CDC42BPG: variants seen among roughly 807,000 people sequenced by gnomAD.
CDC42BPG encodes the protein serine/threonine-protein kinase MRCK gamma.
A neutral mutation model predicts 192.2 loss-of-function variants in CDC42BPG; 157 were observed. The observed-to-expected ratio is 0.82, with a 90% CI of 0.72 to 0.93. The LOEUF (loss-of-function observed/expected upper bound fraction) is 0.93, where lower values mean the gene tolerates loss of function less well. Ranked by LOEUF, CDC42BPG falls within the 40% of genes least tolerant of loss-of-function variation. The pLI is 0.00. For synonymous variants in CDC42BPG, 981 were observed against 918.5 expected (o/e 1.07, Z -1.23); for missense variants, 1,992 against 2,122.1 (o/e 0.94, Z 1.20).
intron 17 of CDC42BPG, 29 bp downstream of exon 17, chr11:64,835,018 C>CCCCCCCCCCCCCCCCCCCGGG: frequency 1.4e-6 from 1 of 703,626 alleles, no homozygotes; most frequent in Non-Finnish European, 2.4e-6. Context: ...CGCCTGCGTT[C>CCCCCCCCCCCCCCCCCCCGGG]CCCACCCCGA....
chr11:64,835,105 C>T lies in CDC42BPG; in HGVS notation c.2002G>A (p.Gly668Ser), dbSNP rs1239547690. The change falls in exon 17 of 37, where the codon GGT (glycine) becomes AGT (serine). Residue 668 changes from glycine to serine, a missense_variant. This residue lies in a region of CDC42BPG where 1,656 missense variants were observed against 1,844.3 expected (regional missense o/e 0.90). Coordinates refer to ENST00000342711, the MANE Select transcript of CDC42BPG (RefSeq NM_017525.3). Reference sequence around the variant, plus strand: ...TTGCTCTCCGTCTCCCGCCGCTCACCCTCCAGCCGCTGCTTGCTCTCCTGC... The same window carrying T: ...TTGCTCTCCGTCTCCCGCCGCTCACTCTCCAGCCGCTGCTTGCTCTCCTGC... ...QEQESKQRLE[G>S]ERRETESNWE... The T allele has an allele frequency of 6.2e-7, 1 of 1,602,336 alleles. No individual in the cohort carries two copies. Among genetic ancestry groups the T allele is most frequent in the Non-Finnish European group, 8.5e-7 (1 of 1,179,836 alleles).
In CDC42BPG at chr11:64,840,542, C is replaced by G. The variant is rs140696545; in HGVS notation, c.432+11G>C. The G allele has an allele frequency of 1.9e-6, 3 of 1,613,022 alleles. No homozygotes were observed. The highest frequency in any genetic ancestry group is 2.5e-6 in the Non-Finnish European group (3 of 1,179,172). On this transcript the variant is annotated intron_variant, in intron 4 of 36. Transcript: ENST00000342711. ...AGGATGTTCCCCTCCAGCCCCGCCA[C>G]GTATCCTCACCAGGTACTCCTCGTC...
intron 9 of CDC42BPG, among the ~76,000 whole-genome samples, chr11:64,837,295 T>G (rs1943065616): frequency 6.6e-6 from 1 of 152,168 alleles, no homozygotes; most frequent in South Asian, 2.1e-4. Flanking sequence ...CAGGGGAAGA[T>G]GGTGGTGACA....
Position 64,831,695 on chromosome 11 carries a change from C to T in CDC42BPG, c.3114G>A (p.Pro1038=), listed in dbSNP as rs781630312. Residue 1038 remains proline, a synonymous_variant, in exon 28 of 37, where the codon CCG becomes CCA. Transcript: ENST00000342711. ...FRVTTSQLAV[P]PTTCTVLLLA... ...GCAGCAGCACAGTGCACGTGGTGGG[C>T]GGCACTGCCAGCTGGGAGGTTGTCA... is the stretch of plus-strand genomic sequence containing the variant. 14 of 1,603,572 alleles carry T rather than the reference C, an allele frequency of 8.7e-6. No homozygotes were observed. Among genetic ancestry groups the T allele is most frequent in the African/African-American group, 2.7e-5 (2 of 74,864 alleles).
chr11:64,824,725 T>C (rs1202161251), intron 36 of CDC42BPG, among the ~76,000 whole-genome samples, 196 bp from the exon 37 acceptor site: 1 of 152,004 alleles, frequency 6.6e-6, no homozygotes, highest in Non-Finnish European at 1.5e-5. Flanking sequence ...TACTTAACTT[T>C]GAATGGACTC....
At chr11:64,834,638 C>T (rs1942885646) in intron 18 of CDC42BPG, 61 bp from the exon 19 acceptor site, 1 of 1,476,668 alleles carries the variant, frequency 6.8e-7, no homozygotes, top group Admixed American at 2.5e-5. Context: ...CAGGGACCCC[C>T]TGCTACCAGA....
chr11:64,836,705 CTG>C lies in CDC42BPG; in HGVS notation c.1384+32_1384+33del, dbSNP rs766169864. 8.4e-3 allele frequency: 2,954 copies of C among 350,860 alleles called. 108 individuals carry two copies. Among genetic ancestry groups the C allele is most frequent in the African/African-American group, 0.076 (1,320 of 17,456 alleles). 21.7% of individuals were successfully genotyped at this position (350,860 alleles called of 1,614,324 possible). A position where few individuals can be genotyped will look rare whatever the true frequency, so the allele number is the denominator to read the frequency against. ...ACCCGAGCCCAGGTGGGACTCAGCC[CTG>C]GGGGGGGGGGGGGGGTGGGCGGAAG... On this transcript the variant is annotated intron_variant, in intron 11 of 36. Transcript: ENST00000342711.
rs919119689 is a variant in CDC42BPG, at chr11:64,823,534, T to C, written c.*939A>G. The C allele has an allele frequency of 2.0e-5, 3 of 152,128 alleles. No homozygotes were observed. The highest frequency in any genetic ancestry group is 2.9e-5 in the Non-Finnish European group (2 of 68,008). The allele number at this position is 152,128 out of a possible 1,614,324, so 9.4% of individuals were successfully genotyped here. Reference sequence around the variant, plus strand: ...AGTAATATAATAACAATATAATGACTGTGATCAATAGTAAAATGCGCCCTA... The same window carrying C: ...AGTAATATAATAACAATATAATGACCGTGATCAATAGTAAAATGCGCCCTA... On this transcript the variant is annotated 3_prime_UTR_variant, in exon 37 of 37. Coordinates refer to ENST00000342711, the MANE Select transcript of CDC42BPG (RefSeq NM_017525.3).
intron 1 of CDC42BPG, among the ~76,000 whole-genome samples, chr11:64,844,071 C>T (rs11231890): frequency 0.2 from 30,490 of 152,038 alleles, 3,859 homozygotes; most frequent in East Asian, 0.48. Context: ...GTGTGTCCTG[C>T]GTCAGGTGTG....
At chr11:64,833,109 G>T in intron 24 of CDC42BPG, 122 bp downstream of exon 24, 1 of 1,292,240 alleles carries the variant, frequency 7.7e-7, no homozygotes, top group Non-Finnish European at 1.1e-6. Flanking sequence ...AAGGAACAAA[G>T]CTGAGCAGGA....
chr11:64,838,026 G>A, intron 9 of CDC42BPG, 57 bp downstream of exon 9: 9 of 1,447,916 alleles, frequency 6.2e-6, no homozygotes, highest in Non-Finnish European at 7.6e-6. Flanking sequence ...CGCGCCCAGT[G>A]TCCTCCAGGT....
At chr11:64,841,971 G>T in intron 1 of CDC42BPG, 67 bp from the exon 2 acceptor site, 1 of 1,327,418 alleles carries the variant, frequency 7.5e-7, no homozygotes, top group Non-Finnish European at 1.1e-6. Context: ...CTCACCTTGG[G>T]CAAGCCAGGA....
rs200766899 is a variant in CDC42BPG at position 64,836,946 on chromosome 11, C to T, written c.1279G>A (p.Val427Met). 4 of 1,613,502 alleles carry T rather than the reference C, an allele frequency of 2.5e-6. No individual in the cohort carries two copies. In the East Asian group the frequency reaches 6.7e-5, roughly 27 times the overall value. Reference protein sequence around the residue: ...RKLQCLEQEKVELSRKHQEAL... With the variant: ...RKLQCLEQEKMELSRKHQEAL... ...CCTTGGTGCTTCCTGCTCAGCTCCA[C>T]CTTCTCCTGCTCCAGACACTGGAGC... The change falls in exon 10 of 37, where the codon GTG becomes ATG. Residue 427 changes from valine to methionine, a missense_variant. Val to Met is a conservative substitution (Grantham distance 21). This residue lies in a region of CDC42BPG where 1,656 missense variants were observed against 1,844.3 expected (regional missense o/e 0.90). Transcript: ENST00000342711.
At chr11:64,835,017 T>TGGCCCCCCCCCCCCCCC in intron 17 of CDC42BPG, 30 bp downstream of exon 17, 26 of 1,571,896 alleles carry the variant, frequency 1.7e-5, no homozygotes, top group Non-Finnish European at 2.1e-5. Flanking sequence ...TCGCCTGCGT[T>TGGCCCCCCCCCCCCCCC]CCCCACCCCG....
chr11:64,841,583 T>C (rs1290459496), intron 3 of CDC42BPG, 67 bp downstream of exon 3: 6 of 895,118 alleles, frequency 6.7e-6, no homozygotes, highest in Non-Finnish European at 1.0e-5. Context: ...CCATAGGCCC[T>C]GGCAGCATAC....
chr11:64,834,720 G>A (rs1942889400), intron 18 of CDC42BPG, 129 bp downstream of exon 18: 1 of 1,332,786 alleles, frequency 7.5e-7, no homozygotes, highest in South Asian at 1.4e-5. Flanking sequence ...GTGAGCTCAG[G>A]GAAATCACTA....
chr11:64,839,229 T>A lies in CDC42BPG; in HGVS notation c.680A>T (p.Asp227Val), dbSNP rs559292911. The part of the protein sequence containing the change: ...CLRLNTNGMV[D>V]SSVAVGTPDY... ...CGGCGTCCCTACTGCCACTGATGAATCCACCTGTGGGTGGTGGTGGTGAAG... is the reference window on the plus strand; with the variant it reads ...CGGCGTCCCTACTGCCACTGATGAAACCACCTGTGGGTGGTGGTGGTGAAG... The change falls in exon 7 of 37, where the codon GAT becomes GTT. Residue 227 changes from aspartate to valine, a missense_variant. By Grantham distance (152) the Asp-to-Val change is radical. This residue lies in a region of CDC42BPG where 1,656 missense variants were observed against 1,844.3 expected (regional missense o/e 0.90). Coordinates refer to ENST00000342711, the MANE Select transcript of CDC42BPG (RefSeq NM_017525.3). 1.3e-5 allele frequency: 21 copies of A among 1,613,104 alleles called. No individual in the cohort carries two copies. The South Asian group carries it at 2.2e-4, about 17-fold the overall frequency.
intron 8 of CDC42BPG, 61 bp from the exon 9 acceptor site, chr11:64,838,223 C>T: frequency 7.3e-7 from 1 of 1,365,804 alleles, no homozygotes; most frequent in Non-Finnish European, 1.0e-6. Flanking sequence ...GCCCAAGGCC[C>T]AGGAGCCCCC....
At position 64,831,494 on chromosome 11, in the gene CDC42BPG, C is replaced by T. The variant is rs1187635238; in HGVS notation, c.3304+11G>A. On this transcript the variant is annotated intron_variant, in intron 28 of 36. Transcript: ENST00000342711. Reference sequence around the variant, plus strand: ...CTGAACTGCTTCCTCCAGTCCCCTCCACCAGCTCACCGAGGATGGCAGCGC... The same window carrying T: ...CTGAACTGCTTCCTCCAGTCCCCTCTACCAGCTCACCGAGGATGGCAGCGC... 2 of 1,601,856 alleles carry T rather than the reference C, an allele frequency of 1.2e-6. No homozygotes were observed. Among genetic ancestry groups the T allele is most frequent in the African/African-American group, 1.3e-5 (1 of 74,774 alleles).
Sources: gnomAD v4.1 joint callset for allele counts (sites outside exome capture counted in the v4.1 genomes callset) on GRCh38, gnomAD v4.1.1 for gene constraint, gnomAD v4.1.1 regional missense constraint, MANE v1.5 for transcripts, NCBI Gene and HGNC (gene_info 2026-07-23, HGNC 2026-07-21) for gene names.